Variants in PUM2 observed in about 807,000 individuals in gnomAD.
PUM2 encodes pumilio RNA binding family member 2.
In PUM2, 57 loss-of-function variants were observed where a neutral mutation model predicts 124.5. The observed-to-expected ratio is 0.46, with a 90% CI of 0.37 to 0.57. The LOEUF (loss-of-function observed/expected upper bound fraction) is 0.57. PUM2 is among the 20% of genes least tolerant of loss of function. PUM2 has a pLI of 0.00. For missense variants in PUM2, 1,065 were observed against 1,290.6 expected (o/e 0.83, Z 2.68); for synonymous variants, 460 against 446.1 (o/e 1.03, Z -0.39).
At chr2:20,276,345 C>T (rs988869172) in intron 13 of PUM2, among the ~76,000 whole-genome samples, 1 of 148,616 alleles carries the variant, frequency 6.7e-6, no homozygotes, top group Admixed American at 6.8e-5. Context: ...AACAAAGGAA[C>T]ATACTTTGGG....
chr2:20,297,043 G>GT (rs1558579961), intron 8 of PUM2, among the ~76,000 whole-genome samples: 1 of 152,106 alleles, frequency 6.6e-6, no homozygotes, highest in South Asian at 2.1e-4. Context: ...AGGCTGGGCA[G>GT]TTTTTAGTAC....
At chr2:20,287,146 A>G (rs1672936945) in intron 10 of PUM2, among the ~76,000 whole-genome samples, 2 of 152,244 alleles carry the variant, frequency 1.3e-5, no homozygotes, top group Non-Finnish European at 2.9e-5. Context: ...ACTTTAACAT[A>G]TGACATAGAT....
chr2:20,337,302 A>C (rs571174783), intron 1 of PUM2, among the ~76,000 whole-genome samples: 1 of 152,284 alleles, frequency 6.6e-6, no homozygotes, highest in East Asian at 1.9e-4. Context: ...TACTAGCAAG[A>C]GGATTGGGTT....
In PUM2 at chr2:20,308,558, G is replaced by A; in HGVS notation, c.545C>T (p.Ser182Phe). Residue 182 changes from serine to phenylalanine, a missense_variant, in exon 6 of 21, where the codon TCT (serine) becomes TTT (phenylalanine). Around this residue, in one of 3 missense-constraint regions of PUM2, gnomAD observed 968 missense variants for 1,159.8 expected, o/e 0.83. Coordinates refer to ENST00000361078, the MANE Select transcript of PUM2 (RefSeq NM_015317.5). ...CAAGCGCTCAACTACTTCAGTTGGA[G>A]AGGCTTGACGACTTCCAGGAGTACG... The part of the protein sequence containing the change: ...FNRTPGSRQA[S>F]PTEVVERLGP... The A allele has an allele frequency of 6.2e-7, 1 of 1,613,376 alleles. No homozygotes were observed. Among genetic ancestry groups the A allele is most frequent in the Non-Finnish European group, 8.5e-7 (1 of 1,179,638 alleles).
At chr2:20,321,566 AC>A (rs1682378504) in intron 2 of PUM2, among the ~76,000 whole-genome samples, 1 of 152,180 alleles carries the variant, frequency 6.6e-6, no homozygotes, top group African/African-American at 2.4e-5. Context: ...CTAGCTGGTG[AC>A]TAATAATAGG....
intron 14 of PUM2, among the ~76,000 whole-genome samples, chr2:20,262,922 G>A (rs970158494): frequency 1.1e-4 from 16 of 152,156 alleles, no homozygotes; most frequent in South Asian, 6.2e-4. Context: ...ATACAGAGCC[G>A]ATGTAATCAA....
rs775242594 is a variant in PUM2 at position 20,297,584 on chromosome 2, T to A, written c.978A>T (p.Ala326=). 1.2e-6 allele frequency: 2 copies of A among 1,611,420 alleles called. No homozygotes were observed. The highest frequency in any genetic ancestry group is 3.3e-5 in the Admixed American group (2 of 59,820). The change falls in exon 8 of 21, where the codon GCA becomes GCT. Residue 326 remains alanine, a synonymous_variant. Coordinates refer to ENST00000361078, the MANE Select transcript of PUM2 (RefSeq NM_015317.5). ...AAPPGTDPYT[A]AGLAAAATLA... ...ATGTAGCTGCTGCAGCCAATCCTGC[T>A]GCAGTATACGGATCGGTCCCTGGAG...
chr2:20,271,949 A>C (rs527837798), intron 13 of PUM2, among the ~76,000 whole-genome samples: 2 of 152,288 alleles, frequency 1.3e-5, no homozygotes, highest in South Asian at 4.1e-4. Context: ...ACCTGAGGTC[A>C]GGAGTTCAAG....
rs556049872 is a variant in PUM2 at position 20,334,881 on chromosome 2, CAAAT to C, written c.-18-7507_-18-7504del. Among the ~76,000 whole-genome samples, 185 of 152,280 alleles carry C rather than the reference CAAAT, an allele frequency of 1.2e-3. 1 individual carries two copies. The highest frequency in any genetic ancestry group is 4.2e-3 in the African/African-American group (176 of 41,548). The stretch of plus-strand genomic sequence containing the variant: ...ATTACATAAAAACCTAGTTGAGTCA[CAAAT>C]AAGTCAATACACAGAGTGACTTAAG... On this transcript the variant is annotated intron_variant, in intron 1 of 20. Transcript: ENST00000361078.
chr2:20,322,063 A>G (rs1350031873), intron 2 of PUM2, among the ~76,000 whole-genome samples: 1 of 152,162 alleles, frequency 6.6e-6, no homozygotes, highest in East Asian at 1.9e-4. Context: ...GTTATGGAAA[A>G]CCCCTAAACC....
At chr2:20,285,883 C>T (rs1672598063) in intron 10 of PUM2, among the ~76,000 whole-genome samples, 1 of 152,076 alleles carries the variant, frequency 6.6e-6, no homozygotes, top group African/African-American at 2.4e-5. Flanking sequence ...TAATTCAAAG[C>T]TGAGAATCAT....
At chr2:20,351,401 C>G (rs1689325883), upstream of PUM2, among the ~76,000 whole-genome samples, 2 of 152,224 alleles carry the variant, frequency 1.3e-5, no homozygotes, top group Admixed American at 1.3e-4. Context: ...AGGGCTGTCA[C>G]TCTTCTCGTG....
At chr2:20,333,474 C>T (rs963527410) in intron 1 of PUM2, among the ~76,000 whole-genome samples, 3 of 151,640 alleles carry the variant, frequency 2.0e-5, no homozygotes, top group Admixed American at 2.0e-4. Context: ...GTTGAGGGTG[C>T]AGTGAGCCAT....
Position 20,254,070 on chromosome 2 carries a change from T to C in PUM2, c.2871-56A>G. The C allele has an allele frequency of 2.1e-6, 3 of 1,459,194 alleles. 1 individual carries two copies. In the South Asian group the frequency reaches 3.8e-5, roughly 19 times the overall value. The allele number at this position is 1,459,194 out of a possible 1,614,324, so 90.4% of individuals were successfully genotyped here. ...GTTATTTTTTTCTTCACAGCAAAATTTCCTTGACTTATAGAAAGAATCTTC... is the reference window on the plus strand; with the variant it reads ...GTTATTTTTTTCTTCACAGCAAAATCTCCTTGACTTATAGAAAGAATCTTC... On this transcript the variant is annotated intron_variant, in intron 19 of 20. Coordinates refer to ENST00000361078, the MANE Select transcript of PUM2 (RefSeq NM_015317.5).
intron 10 of PUM2, among the ~76,000 whole-genome samples, chr2:20,289,420 C>T (rs938199052): frequency 1.3e-5 from 2 of 152,202 alleles, no homozygotes; most frequent in Non-Finnish European, 2.9e-5. Flanking sequence ...AGCCCAACGT[C>T]CATGTGCCTA....
intron 14 of PUM2, among the ~76,000 whole-genome samples, chr2:20,261,132 T>C (rs1316823601): frequency 1.3e-5 from 2 of 152,064 alleles, no homozygotes; most frequent in African/African-American, 2.4e-5. Flanking sequence ...GGCTCACGCA[T>C]GTAATCTCAG....
chr2:20,318,432 C>CA (rs1474792305), intron 3 of PUM2, 105 bp downstream of exon 3: 40 of 1,023,006 alleles, frequency 3.9e-5, no homozygotes, highest in Admixed American at 7.0e-5. Flanking sequence ...CAAAACTATA[C>CA]AAAAAATGCA....
chr2:20,272,955 C>T (rs1283895008), intron 13 of PUM2, among the ~76,000 whole-genome samples: 1 of 152,154 alleles, frequency 6.6e-6, no homozygotes, highest in Non-Finnish European at 1.5e-5. Context: ...CTTTTCAAAG[C>T]CATTCTAAGA....
At position 20,308,599 on chromosome 2, in the gene PUM2, T is replaced by C. The variant is rs763552828; in HGVS notation, c.519-15A>G. On this transcript the variant is annotated splice_polypyrimidine_tract_variant and intron_variant, in intron 5 of 20. Coordinates refer to ENST00000361078, the MANE Select transcript of PUM2 (RefSeq NM_015317.5). ...CAGGAGTACGACTACATAAAGAAAA[T>C]AGAAAAGCATTATGAATAAAAGTAA... The C allele has an allele frequency of 2.5e-6, 4 of 1,574,406 alleles. No homozygotes were observed. Among genetic ancestry groups the C allele is most frequent in the Non-Finnish European group, 3.4e-6 (4 of 1,163,138 alleles).
Sources: gnomAD v4.1 joint callset for allele counts (sites outside exome capture counted in the v4.1 genomes callset) on GRCh38, gnomAD v4.1.1 for gene constraint, gnomAD v4.1.1 regional missense constraint, MANE v1.5 for transcripts, NCBI Gene and HGNC (gene_info 2026-07-23, HGNC 2026-07-21) for gene names.